The following MPPE1 variants were observed in gnomAD, a reference collection of about 807,000 sequenced individuals.
The protein encoded by MPPE1 is metallo phosphoesterase.
In MPPE1, 28 loss-of-function variants were observed where a neutral mutation model predicts 43.8. The observed-to-expected ratio is 0.64, with a 90% CI of 0.47 to 0.88. The LOEUF (loss-of-function observed/expected upper bound fraction) is 0.88, where lower values mean the gene tolerates loss of function less well. Ranked by LOEUF, MPPE1 falls within the 40% of genes least tolerant of loss-of-function variation. The pLI, the probability that MPPE1 is intolerant of heterozygous loss-of-function variation, is 0.00. For missense variants in MPPE1, 428 were observed against 492.2 expected, an observed-to-expected ratio of 0.87 and a Z score of 1.23; for synonymous variants, 159 against 188.5, an observed-to-expected ratio of 0.84 and a Z score of 1.28.
Position 11,885,827 on chromosome 18 carries a change from C to G in MPPE1, c.868-11G>C, listed in dbSNP as rs1381521546. ...GAGCCACCACAGCAGCTGACAGTGG[C>G]CGAGAAGACAGCAAAGCAGGCTGTT... On this transcript the variant is annotated splice_polypyrimidine_tract_variant and intron_variant, in intron 9 of 10. Coordinates refer to ENST00000588072, the MANE Select transcript of MPPE1 (RefSeq NM_023075.6). 6.3e-7 allele frequency: 1 copy of G among 1,597,338 alleles called. No individual in the cohort carries two copies. The highest frequency in any genetic ancestry group is 8.6e-7 in the Non-Finnish European group (1 of 1,167,952).
chr18:11,890,559 C>T lies in MPPE1; in HGVS notation c.391-1069G>A, dbSNP rs186522429. 1.4e-4 allele frequency among the ~76,000 whole-genome samples: 22 copies of T among 152,328 alleles called. 1 individual carries two copies. The highest frequency in any genetic ancestry group is 5.2e-4 in the Admixed American group (8 of 15,296). ...TCCTCACCTCAAGTGATCCACCTGC[C>T]TCAGCCTCCCAAAGTGCTAGGATTA... is the stretch of plus-strand genomic sequence containing the variant. On this transcript the variant is annotated intron_variant, in intron 4 of 10. Coordinates refer to ENST00000588072, the MANE Select transcript of MPPE1 (RefSeq NM_023075.6).
At chr18:11,888,828 C>A (rs747768181) in intron 5 of MPPE1, 85 bp from the exon 6 acceptor site, 2 of 706,776 alleles carry the variant, frequency 2.8e-6, no homozygotes, top group East Asian at 3.2e-5. Flanking sequence ...AAATAACTTT[C>A]AACACTTGAG....
intron 10 of MPPE1, 130 bp downstream of exon 10, chr18:11,885,546 C>G (rs1224565141): frequency 3.7e-6 from 4 of 1,092,206 alleles, no homozygotes; most frequent in Non-Finnish European, 5.3e-6. Context: ...TATGGAGCTA[C>G]GTGTAGAAGG....
Position 11,897,121 on chromosome 18 carries a change from C to G in MPPE1, c.144G>C (p.Gln48His), listed in dbSNP as rs1403744993. Reference protein sequence around the residue: ...EFLIYYLAIFQCNWPEVKTTA... With the variant: ...EFLIYYLAIFHCNWPEVKTTA... The stretch of plus-strand genomic sequence containing the variant: ...TGGTTTTCACTTCAGGCCAATTACA[C>G]TGAAAGATCGCTAAGTAATAGATTA... Residue 48 changes from glutamine to histidine, a missense_variant, in exon 3 of 11, where the codon CAG becomes CAC. Coordinates refer to ENST00000588072, the MANE Select transcript of MPPE1 (RefSeq NM_023075.6). 4.8e-6 allele frequency: 7 copies of G among 1,468,098 alleles called. No individual in the cohort carries two copies. Among genetic ancestry groups the G allele is most frequent in the Non-Finnish European group, 6.6e-6 (7 of 1,058,504 alleles). The allele number at this position is 1,468,098 out of a possible 1,614,324, so 90.9% of individuals were successfully genotyped here.
intron 3 of MPPE1, among the ~76,000 whole-genome samples, chr18:11,894,577 GATTTT>G (rs1022446784): frequency 7.9e-5 from 12 of 152,034 alleles, no homozygotes; most frequent in South Asian, 2.1e-4. Flanking sequence ...GGTAAATGGC[GATTTT>G]ATTTTATTTT....
At chr18:11,907,694 T>G (rs1598629699) in intron 1 of MPPE1, among the ~76,000 whole-genome samples, 2 of 135,604 alleles carry the variant, frequency 1.5e-5, no homozygotes, top group African/African-American at 2.8e-5. Flanking sequence ...GTTGTTATGG[T>G]GGGGGCGGGG....
In MPPE1 at chr18:11,908,295, T is replaced by A. The variant is rs1418982907; in HGVS notation, c.-294A>T. The A allele has an allele frequency of 6.6e-6, 1 of 152,250 alleles. No individual in the cohort carries two copies. Among genetic ancestry groups the A allele is most frequent in the Non-Finnish European group, 1.5e-5 (1 of 68,054 alleles). 9.4% of individuals were successfully genotyped at this position (152,250 alleles called of 1,614,324 possible). ...TTTCACCAGGGCAGGGTGGCTTCGG[T>A]GGCCGAGGGACCCGGGAACTGCAGC... On this transcript the variant is annotated 5_prime_UTR_variant, in exon 1 of 11. Coordinates refer to ENST00000588072, the MANE Select transcript of MPPE1 (RefSeq NM_023075.6).
intron 6 of MPPE1, among the ~76,000 whole-genome samples, chr18:11,887,679 C>G (rs865926130): frequency 8.1e-4 from 123 of 152,264 alleles, no homozygotes; most frequent in African/African-American, 3.0e-3. Flanking sequence ...TACATGCATA[C>G]CATCTTGGAA....
At chr18:11,885,621 G>C (rs1276402413) in intron 10 of MPPE1, 55 bp downstream of exon 10, 1 of 1,574,102 alleles carries the variant, frequency 6.4e-7, no homozygotes, top group Non-Finnish European at 8.7e-7. Flanking sequence ...GTTGATTACT[G>C]TGTTGATTTA....
At position 11,889,401 on chromosome 18, in the gene MPPE1, A is replaced by G; in HGVS notation, c.480T>C (p.Ile160=). 1.2e-6 allele frequency: 2 copies of G among 1,611,290 alleles called. No individual in the cohort carries two copies. Among genetic ancestry groups the G allele is most frequent in the Non-Finnish European group, 1.7e-6 (2 of 1,178,258 alleles). Residue 160 remains isoleucine, a synonymous_variant, in exon 5 of 11, where the codon ATT becomes ATC. Coordinates refer to ENST00000588072, the MANE Select transcript of MPPE1 (RefSeq NM_023075.6). The part of the protein sequence containing the change: ...QLKVVAGNHD[I]GFHYEMNTYK... Reference sequence around the variant, plus strand: ...GAACTACTTACTCATAATGGAAGCCAATGTCATGGTTTCCAGCAACTACCT... The same window carrying G: ...GAACTACTTACTCATAATGGAAGCCGATGTCATGGTTTCCAGCAACTACCT...
intron 2 of MPPE1, among the ~76,000 whole-genome samples, chr18:11,903,971 T>C (rs2039450457): frequency 6.6e-6 from 1 of 152,254 alleles, no homozygotes; most frequent in African/African-American, 2.4e-5. Flanking sequence ...TTCTGCCTTA[T>C]GCCCCTCAGT....
intron 10 of MPPE1, 22 bp downstream of exon 10, chr18:11,885,654 C>CA (rs1567922586): frequency 1.3e-6 from 2 of 1,598,434 alleles, no homozygotes; most frequent in East Asian, 2.3e-5. Context: ...AGCTTTCAGA[C>CA]AAAAATAAAC....
At chr18:11,896,095 C>CTTTTTTTTTTTTTTTTTTT (rs1178920790) in intron 3 of MPPE1, among the ~76,000 whole-genome samples, 24 of 80,418 alleles carry the variant, frequency 3.0e-4, no homozygotes, top group East Asian at 7.8e-4. Flanking sequence ...ATTCTTTATT[C>CTTTTTTTTTTTTTTTTTTT]TTTTTTTTTT....
chr18:11,899,075 TTTTG>T (rs2038882414), intron 2 of MPPE1, among the ~76,000 whole-genome samples: 2 of 138,820 alleles, frequency 1.4e-5, no homozygotes, highest in Admixed American at 1.4e-4. Flanking sequence ...GCCCAGCTAA[TTTTG>T]TTTTTTTGTA....
chr18:11,884,922 A>C, intron 10 of MPPE1: 1 of 1,288,232 alleles, frequency 7.8e-7, no homozygotes, highest in Non-Finnish European at 1.0e-6. Flanking sequence ...CATCAAATAT[A>C]GTGGGGGATC....
At chr18:11,901,709 CAT>C (rs1299027758) in intron 2 of MPPE1, among the ~76,000 whole-genome samples, 2 of 152,014 alleles carry the variant, frequency 1.3e-5, no homozygotes, top group African/African-American at 4.8e-5. Flanking sequence ...TGTGGTGGTG[CAT>C]GCCTGTAATC....
chr18:11,900,346 CA>C (rs1035483989), intron 2 of MPPE1, among the ~76,000 whole-genome samples: 1 of 149,058 alleles, frequency 6.7e-6, no homozygotes, highest in Non-Finnish European at 1.5e-5. Flanking sequence ...GACTCCGTCT[CA>C]AAAAAAAAAT....
rs1258483251 is a variant in MPPE1, at chr18:11,883,888, A to C, written c.*557T>G. 6.6e-6 allele frequency: 1 copy of C among 152,228 alleles called. No homozygotes were observed. The highest frequency in any genetic ancestry group is 1.5e-5 in the Non-Finnish European group (1 of 68,156). 9.4% of individuals were successfully genotyped at this position (152,228 alleles called of 1,614,324 possible). ...GTATTTCTAGCGGAGACGAGGTTTC[A>C]CCATGTTGGCCAGGCTGGTCTTGAA... On this transcript the variant is annotated 3_prime_UTR_variant, in exon 11 of 11. Coordinates refer to ENST00000588072, the MANE Select transcript of MPPE1 (RefSeq NM_023075.6).
Position 11,888,631 on chromosome 18 carries a change from GACT to G in MPPE1, c.569+35_569+37del, listed in dbSNP as rs775945687. On this transcript the variant is annotated intron_variant, in intron 6 of 10. Coordinates refer to ENST00000588072, the MANE Select transcript of MPPE1 (RefSeq NM_023075.6). ...ACCTTTAAAAAATGAAGTTTCCAAG[GACT>G]AAAGGTCTTGGAAGAATTTACAAAT... 4 of 1,299,294 alleles carry G rather than the reference GACT, an allele frequency of 3.1e-6. No individual in the cohort carries two copies. The Admixed American group carries it at 8.0e-5, about 26-fold the overall frequency. The allele number at this position is 1,299,294 out of a possible 1,614,324, so 80.5% of individuals were successfully genotyped here. A position where few individuals can be genotyped will look rare whatever the true frequency, so the allele number is the denominator to read the frequency against.
Sources: gnomAD v4.1 joint callset for allele counts (sites outside exome capture counted in the v4.1 genomes callset) on GRCh38, gnomAD v4.1.1 for gene constraint, MANE v1.5 for transcripts, NCBI Gene and HGNC (gene_info 2026-07-23, HGNC 2026-07-21) for gene names.